The following GLUD1 variants were observed in gnomAD, a reference collection of about 807,000 sequenced individuals.
The protein encoded by GLUD1 is glutamate dehydrogenase 1, also known as glutamate dehydrogenase 1, mitochondrial.
A neutral mutation model predicts 56.0 loss-of-function variants in GLUD1; 22 were observed. That is an observed-to-expected ratio of 0.39 (90% CI 0.28 to 0.56). The LOEUF is 0.56. Among genes scored for constraint, GLUD1 ranks in the 20% least tolerant of loss-of-function variants. The probability of loss-of-function intolerance (pLI) is 0.58; values close to 1 mark genes in which losing one functional copy is unlikely to be tolerated. For synonymous variants in GLUD1, 223 were observed against 269.9 expected (o/e 0.83, Z 1.70); for missense variants, 451 against 732.0 (o/e 0.62, Z 4.43).
At chr10:87,078,984 CA>C (rs1386751269) in intron 1 of GLUD1, among the ~76,000 whole-genome samples, 4 of 151,798 alleles carry the variant, frequency 2.6e-5, no homozygotes, top group Admixed American at 6.6e-5. Flanking sequence ...ACAACAACAA[CA>C]AAAAGTACTG....
chr10:87,070,626 A>C (rs1264067608), intron 4 of GLUD1, among the ~76,000 whole-genome samples: 5 of 152,114 alleles, frequency 3.3e-5, no homozygotes, highest in Admixed American at 2.0e-4. Flanking sequence ...AACAATTCCA[A>C]TTGGAGAAGG....
At chr10:87,087,772 T>A (rs555569959) in intron 1 of GLUD1, among the ~76,000 whole-genome samples, 2 of 152,322 alleles carry the variant, frequency 1.3e-5, no homozygotes, top group East Asian at 3.9e-4. Context: ...TCCAGCCTTC[T>A]CTGTTCCCAC....
At chr10:87,063,634 G>A (rs761015843) in intron 5 of GLUD1, among the ~76,000 whole-genome samples, 3 of 152,108 alleles carry the variant, frequency 2.0e-5, no homozygotes, top group Non-Finnish European at 4.4e-5. Flanking sequence ...AAGACTCAAT[G>A]TTGTATTCTG....
Position 87,094,130 on chromosome 10 carries a change from G to C in GLUD1, c.445+195C>G, listed in dbSNP as rs555196414. 7.6e-4 allele frequency: 1,114 copies of C among 1,456,760 alleles called. 8 individuals are homozygous for C. The highest frequency in any genetic ancestry group is 5.5e-3 in the Middle Eastern group (24 of 4,340). 90.2% of individuals were successfully genotyped at this position (1,456,760 alleles called of 1,614,324 possible). A position where few individuals can be genotyped will look rare whatever the true frequency, so the allele number is the denominator to read the frequency against. On this transcript the variant is annotated intron_variant, in intron 1 of 12. Transcript: ENST00000277865. The surrounding 1 kb of genome is among the most constrained non-coding windows in gnomAD (Gnocchi z 6.6). Reference sequence around the variant, plus strand: ...GCGCGGGGGAGGGGGCAGGCCAATCGCATGATGATTTTAAGGCGGAAAAAT... The same window carrying C: ...GCGCGGGGGAGGGGGCAGGCCAATCCCATGATGATTTTAAGGCGGAAAAAT...
Position 87,071,305 on chromosome 10 carries a change from G to A in GLUD1, c.647-3148C>T, listed in dbSNP as rs1004430901. 3.3e-5 allele frequency among the ~76,000 whole-genome samples: 5 copies of A among 151,400 alleles called. No homozygotes were observed. The South Asian group carries it at 1.1e-3, about 32-fold the overall frequency. On this transcript the variant is annotated intron_variant, in intron 4 of 12. Transcript: ENST00000277865. ...CCTTCCAGGTTCAAGCAATTCTCCT[G>A]CCTCAGCCTCCTGAGTAGCTGGGAT... is the stretch of plus-strand genomic sequence containing the variant.
At chr10:87,054,590 T>G (rs1290519316) in intron 11 of GLUD1, among the ~76,000 whole-genome samples, 2 of 152,122 alleles carry the variant, frequency 1.3e-5, no homozygotes, top group Non-Finnish European at 2.9e-5. Flanking sequence ...CTGGCTGTCT[T>G]GACAAGAATA....
chr10:87,052,801 C>T (rs1017435473), intron 12 of GLUD1, among the ~76,000 whole-genome samples: 8 of 151,484 alleles, frequency 5.3e-5, no homozygotes, highest in Non-Finnish European at 1.0e-4. Flanking sequence ...ACCACATACA[C>T]CCTATCTCGA....
intron 9 of GLUD1, 51 bp downstream of exon 9, chr10:87,060,110 A>T (rs1480214590): frequency 8.8e-7 from 1 of 1,133,494 alleles, no homozygotes; most frequent in Admixed American, 1.7e-5. Flanking sequence ...CTTGCAAAAG[A>T]CTATTATGAT....
chr10:87,078,173 T>A (rs1390236571), intron 1 of GLUD1, among the ~76,000 whole-genome samples: 1 of 152,248 alleles, frequency 6.6e-6, no homozygotes, highest in African/African-American at 2.4e-5. Flanking sequence ...TAGAGGAGTA[T>A]GTGCTTAGAA....
intron 9 of GLUD1, 67 bp from the exon 10 acceptor site, chr10:87,059,340 A>C: frequency 6.7e-7 from 1 of 1,484,030 alleles, no homozygotes; most frequent in Non-Finnish European, 9.4e-7. Context: ...AAATGAACCT[A>C]AGACCTTAAT....
intron 1 of GLUD1, among the ~76,000 whole-genome samples, chr10:87,093,307 C>T (rs1242109961): frequency 2.6e-5 from 4 of 152,186 alleles, no homozygotes; most frequent in African/African-American, 9.7e-5. Context: ...CCTCCCTGGG[C>T]TCTTTATTCC....
chr10:87,068,198 GAA>G (rs933580817), intron 4 of GLUD1, 41 bp from the exon 5 acceptor site: 5 of 1,242,650 alleles, frequency 4.0e-6, no homozygotes, highest in Admixed American at 1.7e-5. Flanking sequence ...CAGTTTTTAA[GAA>G]AAATTCTTCT....
At chr10:87,052,608 TAC>T (rs1845664468) in intron 12 of GLUD1, among the ~76,000 whole-genome samples, 1 of 128,866 alleles carries the variant, frequency 7.8e-6, no homozygotes, top group Admixed American at 1.0e-4. Flanking sequence ...AGGTGGAGGT[TAC>T]AGTGAGCTGA....
intron 8 of GLUD1, 187 bp from the exon 9 acceptor site, chr10:87,060,428 GT>G (rs377112615): frequency 9.1e-4 from 498 of 546,082 alleles, no homozygotes; most frequent in South Asian, 2.1e-3. Context: ...ATTTATCTAG[GT>G]TTTTTTTTTG....
chr10:87,074,852 C>G (rs1846343057), intron 3 of GLUD1, among the ~76,000 whole-genome samples: 1 of 151,908 alleles, frequency 6.6e-6, no homozygotes, highest in Admixed American at 6.6e-5. Flanking sequence ...TATTAATTCC[C>G]CACTGAAAAA....
In GLUD1 at chr10:87,094,195, C is replaced by T; in HGVS notation, c.445+130G>A. 1.4e-6 allele frequency: 2 copies of T among 1,391,206 alleles called. No individual in the cohort carries two copies. Among genetic ancestry groups the T allele is most frequent in the South Asian group, 1.5e-5 (1 of 68,688 alleles). The allele number at this position is 1,391,206 out of a possible 1,614,324, so 86.2% of individuals were successfully genotyped here. On this transcript the variant is annotated intron_variant, in intron 1 of 12. Coordinates refer to ENST00000277865, the MANE Select transcript of GLUD1 (RefSeq NM_005271.5). This position sits in a 1 kb window ranked among gnomAD's most constrained non-coding sequence, Gnocchi z 6.6. The stretch of plus-strand genomic sequence containing the variant: ...CCGGCCACATCCGAGGCGGGGTGAC[C>T]CGGGCGGGGACCCGGCCCGCTCCAG...
intron 1 of GLUD1, among the ~76,000 whole-genome samples, chr10:87,090,988 G>T (rs906906247): frequency 3.9e-5 from 6 of 151,976 alleles, no homozygotes; most frequent in Admixed American, 1.3e-4. Flanking sequence ...CATTGACTCC[G>T]GTCTTCCCTT....
chr10:87,081,320 G>C (rs1167297394), intron 1 of GLUD1, among the ~76,000 whole-genome samples: 1 of 150,282 alleles, frequency 6.7e-6, no homozygotes, highest in Non-Finnish European at 1.5e-5. Flanking sequence ...CCGGGAGGGA[G>C]GTGGGGGGGT....
At chr10:87,060,279 C>T (rs1202619381) in intron 8 of GLUD1, 38 bp from the exon 9 acceptor site, 2 of 1,350,874 alleles carry the variant, frequency 1.5e-6, no homozygotes, top group South Asian at 1.2e-5. Flanking sequence ...ATGCGAACAC[C>T]ACCGTCAAAT....
Sources: gnomAD v4.1 joint callset for allele counts (sites outside exome capture counted in the v4.1 genomes callset) on GRCh38, gnomAD v4.1.1 for gene constraint, Gnocchi (gnomAD v3.1) non-coding constraint, MANE v1.5 for transcripts, NCBI Gene and HGNC (gene_info 2026-07-23, HGNC 2026-07-21) for gene names.